Variants in SH3BGR observed in about 807,000 individuals in gnomAD.
SH3BGR encodes the protein SH3 domain-binding glutamic acid-rich protein.
Under a neutral mutation model 24.5 loss-of-function variants are expected in SH3BGR, and 29 were observed. The ratio of observed to expected loss-of-function variants is 1.18; its 90% CI spans 0.88 to 1.61. SH3BGR has a LOEUF of 1.61. SH3BGR is among the 40% of genes most tolerant of loss of function. The pLI is 0.00. For missense variants in SH3BGR, 162 were observed against 205.8 expected, an observed-to-expected ratio of 0.79 and a Z score of 1.30; for synonymous variants, 55 against 65.7, an observed-to-expected ratio of 0.84 and a Z score of 0.79.
At chr21:39,464,662 A>G (rs1389197248) in intron 2 of SH3BGR, among the ~76,000 whole-genome samples, 1 of 152,208 alleles carries the variant, frequency 6.6e-6, no homozygotes, top group Non-Finnish European at 1.5e-5. Flanking sequence ...TGGGTGTGGA[A>G]GTATTTTCAA....
chr21:39,488,487 C>T lies in SH3BGR; in HGVS notation c.313-11336C>T, dbSNP rs77837803. The T allele has an allele frequency of 6.4e-3, 1,932 of 301,888 alleles. 42 individuals carry two copies. The highest frequency in any genetic ancestry group is 0.04 in the African/African-American group (1,832 of 45,314). 18.7% of individuals were successfully genotyped at this position (301,888 alleles called of 1,614,324 possible). A position where few individuals can be genotyped will look rare whatever the true frequency, so the allele number is the denominator to read the frequency against. On this transcript the variant is annotated intron_variant, in intron 3 of 6. Transcript: ENST00000333634. ...GAGGTGCTCCAGGTCCTGGGGGAAC[C>T]TCAGGAGTGATGAGATGAATGTGAA...
chr21:39,467,194 A>G (rs948654630), intron 2 of SH3BGR, among the ~76,000 whole-genome samples: 59 of 152,100 alleles, frequency 3.9e-4, no homozygotes, highest in African/African-American at 1.4e-3. Flanking sequence ...TACTACAGTT[A>G]TTTTCTGCTA....
chr21:39,507,587 C>T (rs1047604901), intron 4 of SH3BGR, among the ~76,000 whole-genome samples: 3 of 152,158 alleles, frequency 2.0e-5, no homozygotes, highest in Admixed American at 6.5e-5. Flanking sequence ...CCCGCCTTGG[C>T]CTCCCAAAGT....
At chr21:39,483,084 G>T (rs1388297939) in intron 3 of SH3BGR, among the ~76,000 whole-genome samples, 2 of 152,154 alleles carry the variant, frequency 1.3e-5, no homozygotes, top group Non-Finnish European at 2.9e-5. Flanking sequence ...GCTCTAAATG[G>T]AGAAGAACAC....
intron 1 of SH3BGR, among the ~76,000 whole-genome samples, chr21:39,456,630 C>T (rs983027106): frequency 2.0e-5 from 3 of 152,072 alleles, no homozygotes; most frequent in Admixed American, 6.6e-5. Context: ...GATCTAGTGC[C>T]AGGCATCCAC....
chr21:39,468,611 G>T (rs1419766266), intron 2 of SH3BGR, among the ~76,000 whole-genome samples: 1 of 152,112 alleles, frequency 6.6e-6, no homozygotes, highest in African/African-American at 2.4e-5. Flanking sequence ...GCTAAATTTT[G>T]TATTTTTTGT....
intron 3 of SH3BGR, among the ~76,000 whole-genome samples, chr21:39,499,465 CTT>C (rs1325764875): frequency 2.1e-5 from 3 of 141,994 alleles, no homozygotes; most frequent in African/African-American, 7.8e-5. Flanking sequence ...CCTTATCTAT[CTT>C]CTTAATTTTT....
chr21:39,460,651 G>A (rs1307546953), intron 1 of SH3BGR, among the ~76,000 whole-genome samples: 1 of 152,042 alleles, frequency 6.6e-6, no homozygotes, highest in Middle Eastern at 3.2e-3. Context: ...TGTATGTTTA[G>A]TAGAGATGGG....
intron 3 of SH3BGR, among the ~76,000 whole-genome samples, chr21:39,493,032 C>T (rs2078330476): frequency 6.6e-6 from 1 of 152,046 alleles, no homozygotes; most frequent in Non-Finnish European, 1.5e-5. Context: ...TTGTCAGGTA[C>T]ATAGATTGTT....
intron 1 of SH3BGR, among the ~76,000 whole-genome samples, chr21:39,457,023 A>G (rs1276835303): frequency 2.7e-5 from 4 of 149,374 alleles, no homozygotes; most frequent in Admixed American, 2.7e-4. Context: ...TTTATAATAT[A>G]TATTGACTGT....
chr21:39,500,607 T>C (rs1490763084), intron 4 of SH3BGR, among the ~76,000 whole-genome samples: 4 of 152,096 alleles, frequency 2.6e-5, no homozygotes, highest in African/African-American at 9.7e-5. Flanking sequence ...AGGAGCCTGG[T>C]GGGGCTGGGA....
intron 4 of SH3BGR, among the ~76,000 whole-genome samples, chr21:39,508,023 A>G (rs2078612959): frequency 6.6e-6 from 1 of 152,162 alleles, no homozygotes; most frequent in Non-Finnish European, 1.5e-5. Flanking sequence ...GTGAGTCCTG[A>G]TTGTGTTGAC....
intron 5 of SH3BGR, among the ~76,000 whole-genome samples, chr21:39,510,365 T>TACGCGCACAC (rs1555915353): frequency 0.013 from 1,557 of 115,724 alleles, 34 homozygotes; most frequent in Middle Eastern, 0.037. Flanking sequence ...TGTAGCTACA[T>TACGCGCACAC]ACACACACAC....
At chr21:39,500,869 C>T (rs2078483205) in intron 4 of SH3BGR, among the ~76,000 whole-genome samples, 1 of 152,122 alleles carries the variant, frequency 6.6e-6, no homozygotes, top group Non-Finnish European at 1.5e-5. Context: ...TTGTCTTTAC[C>T]TCAAAGAACT....
chr21:39,481,290 C>A (rs2078126686), intron 3 of SH3BGR, among the ~76,000 whole-genome samples: 1 of 152,082 alleles, frequency 6.6e-6, no homozygotes, highest in African/African-American at 2.4e-5. Context: ...CATAGTGAGA[C>A]CCTGTTCTCA....
chr21:39,446,605 T>C (rs1308128934), intron 1 of SH3BGR, among the ~76,000 whole-genome samples: 1 of 152,220 alleles, frequency 6.6e-6, no homozygotes, highest in Non-Finnish European at 1.5e-5. Context: ...TGTCAAAAAT[T>C]GGCATCTTTA....
intron 1 of SH3BGR, among the ~76,000 whole-genome samples, chr21:39,458,746 A>G (rs1394181508): frequency 6.6e-6 from 1 of 150,916 alleles, no homozygotes; most frequent in East Asian, 1.9e-4. Context: ...TCCGGGGTTC[A>G]AGTGATCCTC....
intron 3 of SH3BGR, among the ~76,000 whole-genome samples, chr21:39,478,345 C>G (rs1202477959): frequency 1.3e-5 from 2 of 152,218 alleles, no homozygotes; most frequent in Non-Finnish European, 2.9e-5. Flanking sequence ...AGGTGCCGCT[C>G]CATCATCTCT....
chr21:39,455,701 C>T (rs1434406089), intron 1 of SH3BGR, among the ~76,000 whole-genome samples: 1 of 152,198 alleles, frequency 6.6e-6, no homozygotes, highest in East Asian at 1.9e-4. Context: ...CAGGTTAGCT[C>T]ATGTGCTCAC....
Sources: gnomAD v4.1 joint callset for allele counts (sites outside exome capture counted in the v4.1 genomes callset) on GRCh38, gnomAD v4.1.1 for gene constraint, MANE v1.5 for transcripts, NCBI Gene and HGNC (gene_info 2026-07-23, HGNC 2026-07-21) for gene names.